The following PTPRD variants were observed in gnomAD, a reference collection of about 807,000 sequenced individuals.
PTPRD encodes protein tyrosine phosphatase receptor type D.
Under a neutral mutation model 214.5 loss-of-function variants are expected in PTPRD, and 34 were observed. The observed-to-expected ratio is 0.16, with a 90% CI of 0.12 to 0.21. The LOEUF (loss-of-function observed/expected upper bound fraction) is 0.21, where lower values mean the gene tolerates loss of function less well. PTPRD is among the 10% of genes least tolerant of loss of function. The pLI, the probability that PTPRD is intolerant of heterozygous loss-of-function variation, is 1.00. For synonymous variants in PTPRD, 1,128 were observed against 845.7 expected (o/e 1.33, Z -5.79); for missense variants, 2,545 against 2,398.7 (o/e 1.06, Z -1.27).
intron 11 of PTPRD, among the ~76,000 whole-genome samples, chr9:8,818,433 A>C (rs1325535532): frequency 6.6e-6 from 1 of 152,236 alleles, no homozygotes; most frequent in Non-Finnish European, 1.5e-5. Flanking sequence ...ATCATTTAGT[A>C]AACACTTACA....
intron 35 of PTPRD, among the ~76,000 whole-genome samples, chr9:8,435,492 G>T (rs563717934): frequency 6.6e-6 from 1 of 152,210 alleles, no homozygotes; most frequent in East Asian, 1.9e-4. Context: ...GGGCTGCCCA[G>T]GTACCCAATA....
chr9:10,307,627 A>C (rs949134993), intron 3 of PTPRD, among the ~76,000 whole-genome samples: 4 of 152,078 alleles, frequency 2.6e-5, no homozygotes, highest in Non-Finnish European at 5.9e-5. Flanking sequence ...AGAAATATCC[A>C]TACTGTTTTC....
intron 27 of PTPRD, among the ~76,000 whole-genome samples, chr9:8,489,442 G>T (rs1591817950): frequency 6.6e-6 from 1 of 152,204 alleles, no homozygotes; most frequent in East Asian, 1.9e-4. Context: ...CCTTCCCTGG[G>T]CAGAAGTTTT....
chr9:9,988,290 T>G (rs1315325163), intron 4 of PTPRD, among the ~76,000 whole-genome samples: 1 of 152,200 alleles, frequency 6.6e-6, no homozygotes, highest in Non-Finnish European at 1.5e-5. Flanking sequence ...ATGTTAGTTA[T>G]TTTTAATTTC....
chr9:9,242,887 C>T (rs1396469300), intron 9 of PTPRD, among the ~76,000 whole-genome samples: 1 of 152,132 alleles, frequency 6.6e-6, no homozygotes, highest in Non-Finnish European at 1.5e-5. Context: ...TGGTGAGGAG[C>T]TGCGTTCCTT....
At chr9:9,415,667 A>T (rs1028604193) in intron 8 of PTPRD, among the ~76,000 whole-genome samples, 4 of 152,166 alleles carry the variant, frequency 2.6e-5, no homozygotes, top group African/African-American at 7.2e-5. Flanking sequence ...CCCTTTAGGG[A>T]TTAGTAATAG....
chr9:8,968,617 C>A (rs2099215597), intron 11 of PTPRD, among the ~76,000 whole-genome samples: 1 of 152,006 alleles, frequency 6.6e-6, no homozygotes, highest in Non-Finnish European at 1.5e-5. Flanking sequence ...TACTACCAAC[C>A]CCATTTTACA....
chr9:9,247,157 T>C (rs1400807640), intron 9 of PTPRD, among the ~76,000 whole-genome samples: 1 of 152,102 alleles, frequency 6.6e-6, no homozygotes, highest in Non-Finnish European at 1.5e-5. Flanking sequence ...TTTGAGCTAC[T>C]CTTGTCTGAT....
chr9:9,759,118 CT>C lies in PTPRD; in HGVS notation c.-326+7691del, dbSNP rs199810124. Among the ~76,000 whole-genome samples, 37 of 152,120 alleles carry C rather than the reference CT, an allele frequency of 2.4e-4. 1 individual carries two copies. The East Asian group carries it at 7.1e-3, about 29-fold the overall frequency. ...AATAATTTTCAAAAATAACTTATTC[CT>C]TAATTTCTATCTTTGAGCAAGCAGG... On this transcript the variant is annotated intron_variant, in intron 6 of 45. Transcript: ENST00000381196.
intron 2 of PTPRD, among the ~76,000 whole-genome samples, chr9:10,566,042 A>G (rs2065498838): frequency 6.6e-6 from 1 of 151,986 alleles, no homozygotes; most frequent in Non-Finnish European, 1.5e-5. Context: ...AACATACTAC[A>G]TGTATTGTCT....
chr9:9,238,329 G>A (rs1160516759), intron 9 of PTPRD, among the ~76,000 whole-genome samples: 1 of 152,104 alleles, frequency 6.6e-6, no homozygotes. Context: ...TGCAGTGGCT[G>A]ACAAGTCACT....
chr9:9,318,688 T>C lies in PTPRD; in HGVS notation c.-203+78761A>G, dbSNP rs112661965. 8.0e-3 allele frequency among the ~76,000 whole-genome samples: 1,220 copies of C among 152,310 alleles called. 13 individuals are homozygous for C. The highest frequency in any genetic ancestry group is 0.028 in the African/African-American group (1,164 of 41,582). The stretch of plus-strand genomic sequence containing the variant: ...ATAAAAGTATCTCAATTTCTAATTA[T>C]AGCCTATGTTTTTTAATACAACACA... On this transcript the variant is annotated intron_variant, in intron 9 of 45. Transcript: ENST00000381196.
chr9:9,739,017 A>T (rs1201234056), intron 6 of PTPRD, among the ~76,000 whole-genome samples: 1 of 152,226 alleles, frequency 6.6e-6, no homozygotes, highest in Admixed American at 6.5e-5. Context: ...AGGAACCTCA[A>T]TAAAAAATCA....
In PTPRD at chr9:8,404,574, T is replaced by C. The variant is rs779129890; in HGVS notation, c.4173A>G (p.Ala1391=). The part of the protein sequence containing the change: ...KPKNRYANVI[A]YDHSRVLLSA... ...ATAGGAGAACCCGGGAATGATCATA[T>C]GCGATTACATTCGCGTATCTATTCT... The change falls in exon 36 of 46, where the codon GCA becomes GCG. Residue 1391 remains alanine, a synonymous_variant. Coordinates refer to ENST00000381196, the MANE Select transcript of PTPRD (RefSeq NM_002839.4). The C allele has an allele frequency of 1.2e-6, 2 of 1,613,594 alleles. No individual in the cohort carries two copies. The highest frequency in any genetic ancestry group is 1.7e-6 in the Non-Finnish European group (2 of 1,179,560).
intron 3 of PTPRD, among the ~76,000 whole-genome samples, chr9:10,186,852 T>A (rs991244338): frequency 9.2e-5 from 14 of 152,216 alleles, no homozygotes; most frequent in Admixed American, 7.9e-4. Context: ...GATACTAGCA[T>A]CCATATTAAA....
At chr9:9,604,985 C>G (rs1226680095) in intron 7 of PTPRD, among the ~76,000 whole-genome samples, 1 of 151,972 alleles carries the variant, frequency 6.6e-6, no homozygotes, top group Non-Finnish European at 1.5e-5. Flanking sequence ...TGGGCCAGAG[C>G]TTATTCTCAA....
chr9:10,220,471 T>A (rs1366876101), intron 3 of PTPRD, among the ~76,000 whole-genome samples: 1 of 151,950 alleles, frequency 6.6e-6, no homozygotes, highest in Non-Finnish European at 1.5e-5. Flanking sequence ...AGAGTCCAGT[T>A]CTTTTCCATT....
chr9:9,416,988 G>T (rs773708776), intron 8 of PTPRD, among the ~76,000 whole-genome samples: 13 of 152,032 alleles, frequency 8.6e-5, no homozygotes, highest in African/African-American at 1.2e-4. Context: ...TCTACTAACA[G>T]CTTATGTATA....
chr9:9,136,982 G>C (rs1413181539), intron 10 of PTPRD, among the ~76,000 whole-genome samples: 1 of 152,116 alleles, frequency 6.6e-6, no homozygotes, highest in African/African-American at 2.4e-5. Flanking sequence ...GTGAGAGAAA[G>C]GTGATGTTTT....
Sources: gnomAD v4.1 joint callset for allele counts (sites outside exome capture counted in the v4.1 genomes callset) on GRCh38, gnomAD v4.1.1 for gene constraint, MANE v1.5 for transcripts, NCBI Gene and HGNC (gene_info 2026-07-23, HGNC 2026-07-21) for gene names.